Variants in RABGAP1L observed in about 807,000 individuals in gnomAD.
RABGAP1L encodes rab GTPase-activating protein 1-like.
Under a neutral mutation model 137.7 loss-of-function variants are expected in RABGAP1L, and 63 were observed. That is an observed-to-expected ratio of 0.46 (90% CI 0.37 to 0.56). RABGAP1L has a LOEUF of 0.56. RABGAP1L is among the 20% of genes least tolerant of loss of function. RABGAP1L has a pLI of 0.00. For missense variants in RABGAP1L, 1,095 were observed against 1,244.0 expected, an observed-to-expected ratio of 0.88 and a Z score of 1.80; for synonymous variants, 431 against 433.7, an observed-to-expected ratio of 0.99 and a Z score of 0.08.
At chr1:174,456,655 A>C (rs1176967487) in intron 13 of RABGAP1L, among the ~76,000 whole-genome samples, 2 of 152,108 alleles carry the variant, frequency 1.3e-5, no homozygotes, top group Admixed American at 1.3e-4. Flanking sequence ...CAATGAAATA[A>C]ATATAGTTAC....
intron 11 of RABGAP1L, among the ~76,000 whole-genome samples, chr1:174,361,061 G>A (rs1684098401): frequency 6.6e-6 from 1 of 152,090 alleles, no homozygotes; most frequent in Non-Finnish European, 1.5e-5. Context: ...GGAGGCTGAG[G>A]CAGGAGAATG....
chr1:174,219,437 T>C (rs1669590454), intron 2 of RABGAP1L, 142 bp downstream of exon 2: 1 of 579,520 alleles, frequency 1.7e-6, no homozygotes, highest in African/African-American at 1.9e-5. Flanking sequence ...ACCCTAATTA[T>C]TTGGTTTGTG....
At chr1:174,192,818 A>T (rs1216084512) in intron 1 of RABGAP1L, among the ~76,000 whole-genome samples, 1 of 152,146 alleles carries the variant, frequency 6.6e-6, no homozygotes, top group Non-Finnish European at 1.5e-5. Flanking sequence ...CTTCACATAA[A>T]CACTTTGGGC....
intron 1 of RABGAP1L, among the ~76,000 whole-genome samples, chr1:174,196,319 G>A (rs1019124155): frequency 1.3e-5 from 2 of 150,890 alleles, no homozygotes; most frequent in African/African-American, 2.4e-5. Context: ...TGCCTCCTGG[G>A]TTCACGCCAT....
chr1:174,507,775 G>A (rs1327091117), intron 13 of RABGAP1L, among the ~76,000 whole-genome samples: 2 of 152,046 alleles, frequency 1.3e-5, no homozygotes, highest in Non-Finnish European at 2.9e-5. Flanking sequence ...AAACCTGATG[G>A]TAGATAATAA....
At chr1:174,284,332 A>G (rs976243905) in intron 10 of RABGAP1L, among the ~76,000 whole-genome samples, 2 of 152,194 alleles carry the variant, frequency 1.3e-5, no homozygotes, top group African/African-American at 4.8e-5. Context: ...TAAAAATGAG[A>G]TCATACAGTA....
At chr1:174,615,695 G>T (rs1316669879) in intron 13 of RABGAP1L, among the ~76,000 whole-genome samples, 1 of 152,236 alleles carries the variant, frequency 6.6e-6, no homozygotes. Flanking sequence ...AGCCTACAGA[G>T]GCAGGCAGGC....
In RABGAP1L at chr1:174,881,794, C is replaced by T. The variant is rs2149089789; in HGVS notation, c.2340+69834C>T. On this transcript the variant is annotated intron_variant, in intron 19 of 25. Transcript: ENST00000681986. Reference sequence around the variant, plus strand: ...GGATTATAGGTGTGAGCCACCATACCTGGCCTCATTTGCTTTTAATTCCAT... The same window carrying T: ...GGATTATAGGTGTGAGCCACCATACTTGGCCTCATTTGCTTTTAATTCCAT... Among the ~76,000 whole-genome samples, 3 of 152,200 alleles carry T rather than the reference C, an allele frequency of 2.0e-5. No homozygotes were observed. The South Asian group carries it at 6.2e-4, about 32-fold the overall frequency.
At chr1:174,367,487 GTTACCTGTGA>G (rs1269697171) in intron 11 of RABGAP1L, 1 of 194,662 alleles carries the variant, frequency 5.1e-6, no homozygotes, top group African/African-American at 2.4e-5. Context: ...GAAAAGAAAA[GTTACCTGTGA>G]AGTGTCTTTC....
chr1:174,596,497 TTA>T (rs1669935554), intron 13 of RABGAP1L, among the ~76,000 whole-genome samples: 1 of 152,228 alleles, frequency 6.6e-6, no homozygotes. Flanking sequence ...TTCTTAAATT[TTA>T]AATTTCTTTT....
chr1:174,792,475 G>A (rs1687932066), intron 18 of RABGAP1L, among the ~76,000 whole-genome samples: 1 of 152,158 alleles, frequency 6.6e-6, no homozygotes, highest in South Asian at 2.1e-4. Flanking sequence ...AGTAGACTTA[G>A]TCTGTGTTGC....
intron 13 of RABGAP1L, among the ~76,000 whole-genome samples, chr1:174,636,543 AG>A (rs1361653486): frequency 6.9e-6 from 1 of 145,808 alleles, no homozygotes; most frequent in Non-Finnish European, 1.5e-5. Context: ...AAAAAAAAAA[AG>A]AGATCATCTT....
chr1:174,401,058 A>C (rs576490038), intron 13 of RABGAP1L, among the ~76,000 whole-genome samples: 1 of 152,230 alleles, frequency 6.6e-6, no homozygotes, highest in African/African-American at 2.4e-5. Flanking sequence ...TGATAACCTC[A>C]ATCTGGAACC....
At chr1:174,308,496 G>A (rs1448546460) in intron 11 of RABGAP1L, among the ~76,000 whole-genome samples, 1 of 151,920 alleles carries the variant, frequency 6.6e-6, no homozygotes, top group African/African-American at 2.4e-5. Flanking sequence ...TTTTCTTCTA[G>A]TAGTTTAATT....
chr1:174,983,669 C>A (rs1309186947), intron 24 of RABGAP1L, among the ~76,000 whole-genome samples: 1 of 152,024 alleles, frequency 6.6e-6, no homozygotes, highest in Non-Finnish European at 1.5e-5. Context: ...ATTTTGTGTT[C>A]TATAAAATGG....
At chr1:174,903,746 T>C (rs1055661798) in intron 19 of RABGAP1L, among the ~76,000 whole-genome samples, 1 of 151,978 alleles carries the variant, frequency 6.6e-6, no homozygotes, top group African/African-American at 2.4e-5. Flanking sequence ...AGGTCGGGAA[T>C]TTGAGACCAG....
rs1676485795 is a variant in RABGAP1L, at chr1:174,662,727, C to T, written c.1825-20795C>T. 2.0e-5 allele frequency among the ~76,000 whole-genome samples: 3 copies of T among 152,292 alleles called. No homozygotes were observed. In the South Asian group the frequency reaches 6.2e-4, roughly 32 times the overall value. ...ATTTTTACCACTGGAGATAACATCT[C>T]CATGCATATTTTTGTCCCTGAAGAC... is the stretch of plus-strand genomic sequence containing the variant. On this transcript the variant is annotated intron_variant, in intron 14 of 25. Coordinates refer to ENST00000681986, the MANE Select transcript of RABGAP1L (RefSeq NM_001366446.1).
At chr1:174,697,824 T>C (rs1267400395) in intron 15 of RABGAP1L, among the ~76,000 whole-genome samples, 1 of 152,240 alleles carries the variant, frequency 6.6e-6, no homozygotes, top group Non-Finnish European at 1.5e-5. Context: ...TGAAAAATAG[T>C]TGCTAACTTG....
At chr1:174,316,915 A>G (rs1231070429) in intron 11 of RABGAP1L, among the ~76,000 whole-genome samples, 2 of 152,082 alleles carry the variant, frequency 1.3e-5, no homozygotes, top group Admixed American at 6.6e-5. Context: ...ACCTCACCCC[A>G]TAACTACCAC....
Sources: allele counts gnomAD v4.1 joint callset (sites outside exome capture counted in the v4.1 genomes callset), GRCh38; gene constraint gnomAD v4.1.1; transcripts MANE v1.5; gene names NCBI Gene and HGNC (gene_info 2026-07-23, HGNC 2026-07-21).